Variants in TXNDC5 observed in about 807,000 individuals in gnomAD.
TXNDC5 encodes thioredoxin domain containing 5.
In TXNDC5, 44 loss-of-function variants were observed where a neutral mutation model predicts 52.6. The ratio of observed to expected loss-of-function variants is 0.84; its 90% confidence interval spans 0.66 to 1.08. The LOEUF is 1.08. TXNDC5 is among the 50% of genes least tolerant of loss of function. The pLI, the probability that TXNDC5 is intolerant of heterozygous loss-of-function variation, is 0.00. For synonymous variants in TXNDC5, 241 were observed against 234.4 expected (o/e 1.03, Z -0.26); for missense variants, 600 against 565.5 (o/e 1.06, Z -0.62).
chr6:7,903,895 C>G (rs1001959939), intron 2 of TXNDC5, among the ~76,000 whole-genome samples: 2 of 152,160 alleles, frequency 1.3e-5, no homozygotes, highest in African/African-American at 4.8e-5. Flanking sequence ...AACGAACATT[C>G]CAGCCAAGCA....
At chr6:7,898,593 C>T (rs552642490) in intron 3 of TXNDC5, among the ~76,000 whole-genome samples, 1 of 152,320 alleles carries the variant, frequency 6.6e-6, no homozygotes, top group Non-Finnish European at 1.5e-5. Context: ...ATTACAAAGA[C>T]TTCAGATGCT....
At chr6:7,900,665 C>T (rs1463348667) in intron 2 of TXNDC5, among the ~76,000 whole-genome samples, 2 of 152,148 alleles carry the variant, frequency 1.3e-5, no homozygotes, top group Non-Finnish European at 2.9e-5. Context: ...TTAGAAACAA[C>T]AGAATCTATT....
Position 7,899,674 on chromosome 6 carries a change from G to C in TXNDC5, c.421C>G (p.Leu141Val). ...QGVRGYPTLK[L>V]FKPGQEAVKY... ...ACAGCTTCTTGGCCTGGCTTGAAAA[G>C]CTTTAAGCTGAAAGAATAACAAAGG... The change falls in exon 3 of 10, where the codon CTT (leucine) becomes GTT (valine). Residue 141 changes from leucine to valine, a missense_variant. Physicochemically the swap from Leu to Val is conservative, Grantham distance 32. Coordinates refer to ENST00000379757, the MANE Select transcript of TXNDC5 (RefSeq NM_030810.5). 1.9e-6 allele frequency: 3 copies of C among 1,613,614 alleles called. No homozygotes were observed. Among genetic ancestry groups the C allele is most frequent in the Non-Finnish European group, 2.5e-6 (3 of 1,179,792 alleles).
rs745994003 is a variant in TXNDC5, at chr6:7,888,660, G to A, written c.963+45C>T. On this transcript the variant is annotated intron_variant, in intron 7 of 9. Transcript: ENST00000379757. Reference sequence around the variant, plus strand: ...GAGGGTGGGGAGGTGGGGGGCCGGGGGCCACGGGCCACTTATGGGGATCCC... The same window carrying A: ...GAGGGTGGGGAGGTGGGGGGCCGGGAGCCACGGGCCACTTATGGGGATCCC... 29 of 1,569,966 alleles carry A rather than the reference G, an allele frequency of 1.8e-5. No homozygotes were observed. In the East Asian group the frequency reaches 6.3e-4, roughly 34 times the overall value.
chr6:7,888,982 A>C, intron 6 of TXNDC5, 134 bp from the exon 7 acceptor site: 1 of 1,170,608 alleles, frequency 8.5e-7, no homozygotes, highest in African/African-American at 1.6e-5. Context: ...CTGCATGTTC[A>C]TATTTAGACG....
chr6:7,892,444 A>C lies in TXNDC5; in HGVS notation c.617-708T>G, dbSNP rs2113338530. ...GAACATGCAGGTTAAAAGAGCCTTAAAAGATATATAAACACATACACATAT... is the reference window on the plus strand; with the variant it reads ...GAACATGCAGGTTAAAAGAGCCTTACAAGATATATAAACACATACACATAT... On this transcript the variant is annotated intron_variant, in intron 4 of 9. Coordinates refer to ENST00000379757, the MANE Select transcript of TXNDC5 (RefSeq NM_030810.5). Among the ~76,000 whole-genome samples the C allele has an allele frequency of 1.3e-5, 2 of 152,396 alleles. 1 individual carries two copies. The highest frequency in any genetic ancestry group is 4.1e-4 in the South Asian group (2 of 4,828).
intron 3 of TXNDC5, 139 bp downstream of exon 3, chr6:7,899,437 A>T: frequency 1.8e-6 from 1 of 544,810 alleles, no homozygotes; most frequent in South Asian, 3.1e-5. Flanking sequence ...ATAAGCTCCA[A>T]AAAAAGTAGA....
intron 4 of TXNDC5, 29 bp from the exon 5 acceptor site, chr6:7,891,765 G>A (rs1760199331): frequency 2.0e-6 from 3 of 1,517,558 alleles, no homozygotes; most frequent in South Asian, 1.1e-5. Context: ...GCAGAGACGG[G>A]GGAAAGAGGA....
intron 2 of TXNDC5, among the ~76,000 whole-genome samples, chr6:7,901,421 TA>T (rs1233704639): frequency 6.6e-6 from 1 of 151,550 alleles, no homozygotes; most frequent in Non-Finnish European, 1.5e-5. Context: ...TTGCTAAAAG[TA>T]AAATACAGTA....
intron 1 of TXNDC5, chr6:7,910,097 G>C (rs1296233085): frequency 2.0e-6 from 2 of 986,040 alleles, no homozygotes; most frequent in East Asian, 2.3e-4. Context: ...GGCGCAGGGC[G>C]GGCTTTTCCC....
Position 7,891,853 on chromosome 6 carries a change from G to A in TXNDC5, c.617-117C>T, listed in dbSNP as rs189356642. On this transcript the variant is annotated intron_variant, in intron 4 of 9. Transcript: ENST00000379757. ...TGTCCTGCTTAGCAAATCTTAGTTCGGCATGAGCACTTTAATTGGTACAAA... is the reference window on the plus strand; with the variant it reads ...TGTCCTGCTTAGCAAATCTTAGTTCAGCATGAGCACTTTAATTGGTACAAA... 1,705 of 682,300 alleles carry A rather than the reference G, an allele frequency of 2.5e-3. 3 individuals are homozygous for A. Among genetic ancestry groups the A allele is most frequent in the Admixed American group, 3.6e-3 (142 of 39,522 alleles). 42.3% of individuals were successfully genotyped at this position (682,300 alleles called of 1,614,324 possible).
chr6:7,889,586 G>T lies in TXNDC5; in HGVS notation c.733-5C>A. Reference sequence around the variant, plus strand: ...ATAGTGCTGTGTACAATCAACCTGAGAATAAAAGCAGATCAACTTCCCAGT... The same window carrying T: ...ATAGTGCTGTGTACAATCAACCTGATAATAAAAGCAGATCAACTTCCCAGT... On this transcript the variant is annotated splice_region_variant and splice_polypyrimidine_tract_variant and intron_variant, in intron 5 of 9. Transcript: ENST00000379757. 1.9e-6 allele frequency: 3 copies of T among 1,600,974 alleles called. No individual in the cohort carries two copies. Among genetic ancestry groups the T allele is most frequent in the Non-Finnish European group, 2.6e-6 (3 of 1,168,930 alleles).
rs187879976 is a variant in TXNDC5 at position 7,910,778 on chromosome 6, G to A, written c.-2C>T. On this transcript the variant is annotated 5_prime_UTR_variant, in exon 1 of 10. Transcript: ENST00000379757. The stretch of plus-strand genomic sequence containing the variant: ...GAGGCGTCCTGGGCGCGCGGGCATC[G>A]CGGCGGGGCTGGGCGCGCTCTCGCC... 4 of 989,276 alleles carry A rather than the reference G, an allele frequency of 4.0e-6. No homozygotes were observed. The highest frequency in any genetic ancestry group is 1.1e-4 in the East Asian group (1 of 8,926). 61.3% of individuals were successfully genotyped at this position (989,276 alleles called of 1,614,324 possible). A position where few individuals can be genotyped will look rare whatever the true frequency, so the allele number is the denominator to read the frequency against.
chr6:7,909,397 C>G (rs1229370352), intron 1 of TXNDC5, among the ~76,000 whole-genome samples: 1 of 152,190 alleles, frequency 6.6e-6, no homozygotes, highest in South Asian at 2.1e-4. Flanking sequence ...ACTTCCCTTC[C>G]TCGGGGCATC....
chr6:7,884,259 A>G, intron 9 of TXNDC5, 100 bp downstream of exon 9: 1 of 1,490,182 alleles, frequency 6.7e-7, no homozygotes, highest in Admixed American at 1.9e-5. Context: ...CACATTGTTG[A>G]GAAGATGAGA....
intron 1 of TXNDC5, among the ~76,000 whole-genome samples, chr6:7,909,526 C>A (rs1162966111): frequency 6.6e-6 from 1 of 152,102 alleles, no homozygotes; most frequent in African/African-American, 2.4e-5. Context: ...AAAGCCTCGC[C>A]CAGAGAACCA....
At chr6:7,902,109 T>G (rs1760589250) in intron 2 of TXNDC5, among the ~76,000 whole-genome samples, 1 of 152,028 alleles carries the variant, frequency 6.6e-6, no homozygotes, top group Admixed American at 6.6e-5. Context: ...ACGCCAAAGA[T>G]GACCAGGAAA....
At chr6:7,903,550 T>C (rs1221363971) in intron 2 of TXNDC5, among the ~76,000 whole-genome samples, 2 of 152,204 alleles carry the variant, frequency 1.3e-5, no homozygotes, top group Non-Finnish European at 2.9e-5. Context: ...GGTAAGTAAA[T>C]GGTAGAGCTG....
chr6:7,903,453 G>T (rs1293136198), intron 2 of TXNDC5, among the ~76,000 whole-genome samples: 1 of 152,138 alleles, frequency 6.6e-6, no homozygotes, highest in Non-Finnish European at 1.5e-5. Flanking sequence ...GCTCAGATTG[G>T]TGTCTGCACA....
Sources: gnomAD v4.1 joint callset for allele counts (sites outside exome capture counted in the v4.1 genomes callset) on GRCh38, gnomAD v4.1.1 for gene constraint, MANE v1.5 for transcripts, NCBI Gene and HGNC (gene_info 2026-07-23, HGNC 2026-07-21) for gene names.